Variants in GDPD5 observed in about 807,000 individuals in gnomAD.
The protein encoded by GDPD5 is glycerophosphodiester phosphodiesterase domain containing 5, also known as glycerophosphodiester phosphodiesterase 2.
A neutral mutation model predicts 75.1 loss-of-function variants in GDPD5; 48 were observed. The ratio of observed to expected loss-of-function variants is 0.64; its 90% CI spans 0.51 to 0.81. GDPD5 has a LOEUF of 0.81. GDPD5 is among the 40% of genes least tolerant of loss of function. The pLI is 0.00. For synonymous variants in GDPD5, 336 were observed against 339.0 expected (o/e 0.99, Z 0.10); for missense variants, 706 against 822.6 (o/e 0.86, Z 1.73).
At chr11:75,505,138 C>CA (rs1001421335) in intron 1 of GDPD5, among the ~76,000 whole-genome samples, 37 of 150,522 alleles carry the variant, frequency 2.5e-4, no homozygotes, top group African/African-American at 7.8e-4. Context: ...AAAAAAACAA[C>CA]AAAAAAAACC....
At chr11:75,502,041 C>CT (rs1281061141) in intron 1 of GDPD5, among the ~76,000 whole-genome samples, 3 of 152,208 alleles carry the variant, frequency 2.0e-5, no homozygotes, top group Admixed American at 2.0e-4. Context: ...GAAATGGCTT[C>CT]CTCATGATGG....
chr11:75,447,616 T>C (rs1406854833), intron 9 of GDPD5, among the ~76,000 whole-genome samples: 1 of 152,190 alleles, frequency 6.6e-6, no homozygotes, highest in African/African-American at 2.4e-5. Flanking sequence ...TATTTGACCT[T>C]TTTCTACTAA....
intron 4 of GDPD5, among the ~76,000 whole-genome samples, chr11:75,459,375 C>T (rs1434784943): frequency 6.7e-6 from 1 of 149,022 alleles, no homozygotes; most frequent in Admixed American, 6.7e-5. Context: ...TGCTATGTTG[C>T]CCAGGGTGAA....
intron 3 of GDPD5, among the ~76,000 whole-genome samples, chr11:75,468,679 G>GCT (rs1555006430): frequency 1.4e-5 from 2 of 144,458 alleles, no homozygotes; most frequent in African/African-American, 2.5e-5. Flanking sequence ...CTCCCCCGAC[G>GCT]CCCCCCCCCC....
chr11:75,439,249 G>A (rs1565178198), intron 15 of GDPD5: 2 of 440,738 alleles, frequency 4.5e-6, no homozygotes, highest in Non-Finnish European at 9.2e-6. Context: ...ACAGGGCTTG[G>A]TGCACGGTGG....
intron 3 of GDPD5, among the ~76,000 whole-genome samples, chr11:75,463,497 G>A (rs1310877070): frequency 2.6e-5 from 4 of 152,196 alleles, no homozygotes; most frequent in Non-Finnish European, 5.9e-5. Flanking sequence ...TGAGGGGCCA[G>A]CTCAGGCGTC....
intron 3 of GDPD5, among the ~76,000 whole-genome samples, chr11:75,468,681 C>A (rs538394575): frequency 1.3e-5 from 2 of 151,172 alleles, no homozygotes; most frequent in Admixed American, 6.6e-5. Flanking sequence ...CCCCCGACGC[C>A]CCCCCCCCGG....
intron 1 of GDPD5, among the ~76,000 whole-genome samples, chr11:75,509,254 G>A (rs1364708481): frequency 6.6e-6 from 1 of 152,214 alleles, no homozygotes; most frequent in East Asian, 1.9e-4. Context: ...AGCCAGGGAA[G>A]GGGCGGTATC....
chr11:75,502,022 T>G (rs1950312780), intron 1 of GDPD5, among the ~76,000 whole-genome samples: 1 of 152,220 alleles, frequency 6.6e-6, no homozygotes, highest in African/African-American at 2.4e-5. Flanking sequence ...TCCTGTTGAT[T>G]TGCCCTCAGA....
At chr11:75,447,815 C>T (rs1341197099) in intron 9 of GDPD5, among the ~76,000 whole-genome samples, 1 of 152,074 alleles carries the variant, frequency 6.6e-6, no homozygotes, top group Non-Finnish European at 1.5e-5. Context: ...TCACAATAAC[C>T]AGCAGCATGG....
At chr11:75,465,701 T>C (rs981619368) in intron 3 of GDPD5, among the ~76,000 whole-genome samples, 1 of 152,086 alleles carries the variant, frequency 6.6e-6, no homozygotes, top group Non-Finnish European at 1.5e-5. Context: ...ACGCTGGCAG[T>C]GTTAGATGGC....
At position 75,449,188 on chromosome 11, in the gene GDPD5, C is replaced by G. The variant is rs1340812823; in HGVS notation, c.569-66G>C. 4 of 1,511,168 alleles carry G rather than the reference C, an allele frequency of 2.6e-6. No individual in the cohort carries two copies. In the Admixed American group the frequency reaches 7.4e-5, roughly 28 times the overall value. The allele number at this position is 1,511,168 out of a possible 1,614,324, so 93.6% of individuals were successfully genotyped here. A position where few individuals can be genotyped will look rare whatever the true frequency, so the allele number is the denominator to read the frequency against. On this transcript the variant is annotated intron_variant, in intron 8 of 16. Transcript: ENST00000336898. ...GGCAGGTTGGGGTGCAATGCTGGAC[C>G]CCTCTACCCCCGACCTGTCAGGATC... is the stretch of plus-strand genomic sequence containing the variant.
chr11:75,493,484 T>C (rs1439780993), intron 1 of GDPD5, among the ~76,000 whole-genome samples: 1 of 151,572 alleles, frequency 6.6e-6, no homozygotes, highest in Non-Finnish European at 1.5e-5. Context: ...AGACTACAGG[T>C]TTGAACTCCC....
chr11:75,441,875 G>A, intron 12 of GDPD5, 72 bp from the exon 13 acceptor site: 1 of 1,444,444 alleles, frequency 6.9e-7, no homozygotes, highest in Non-Finnish European at 9.3e-7. Context: ...TCCTCCTAGA[G>A]CACCTGTGGG....
At chr11:75,437,768 C>G (rs1169784625) in intron 15 of GDPD5, 2 of 152,292 alleles carry the variant, frequency 1.3e-5, no homozygotes, top group Non-Finnish European at 2.9e-5. Flanking sequence ...GGACCAGGCA[C>G]TAAGTGGAAA....
At chr11:75,523,357 C>T (rs1188730630) in intron 1 of GDPD5, among the ~76,000 whole-genome samples, 1 of 152,180 alleles carries the variant, frequency 6.6e-6, no homozygotes, top group African/African-American at 2.4e-5. Flanking sequence ...TTCCAGGGCA[C>T]CTGGTATGCA....
At position 75,441,305 on chromosome 11, in the gene GDPD5, T is replaced by C. The variant is rs140725155; in HGVS notation, c.1331A>G (p.Tyr444Cys). 6.2e-7 allele frequency: 1 copy of C among 1,614,096 alleles called. No individual in the cohort carries two copies. Residue 444 changes from tyrosine (Y) to cysteine (C), a missense_variant, in exon 14 of 17, where the codon TAC (tyrosine) becomes TGC (cysteine). Physicochemically the swap from Tyr to Cys is radical, Grantham distance 194 (BLOSUM62 -2). Coordinates refer to ENST00000336898, the MANE Select transcript of GDPD5 (RefSeq NM_030792.8). ...TQVSRQELRDYASWNLSVNLY... is the reference protein window; with the variant it reads ...TQVSRQELRDCASWNLSVNLY... ...GTTCACACTCAGGTTCCAGGACGCGTAGTCCCTGTGGGGCAGGGGAGAGGC... is the reference window on the plus strand; with the variant it reads ...GTTCACACTCAGGTTCCAGGACGCGCAGTCCCTGTGGGGCAGGGGAGAGGC...
chr11:75,508,496 A>G (rs1195725817), intron 1 of GDPD5: 1 of 152,182 alleles, frequency 6.6e-6, no homozygotes, highest in Non-Finnish European at 1.5e-5. Flanking sequence ...CACAAATTCA[A>G]GGTTGCACAG....
intron 1 of GDPD5, among the ~76,000 whole-genome samples, chr11:75,518,921 G>C (rs1950699371): frequency 1.3e-5 from 2 of 152,168 alleles, no homozygotes; most frequent in South Asian, 4.1e-4. Context: ...ACAGCTGCAG[G>C]ATTAACGCTG....
Sources: allele counts gnomAD v4.1 joint callset (sites outside exome capture counted in the v4.1 genomes callset), GRCh38; gene constraint gnomAD v4.1.1; transcripts MANE v1.5; gene names NCBI Gene and HGNC (gene_info 2026-07-23, HGNC 2026-07-21).